VWA8: variants seen among roughly 807,000 people sequenced by gnomAD.
The protein encoded by VWA8 is von Willebrand factor A domain-containing protein 8.
In VWA8, 221 loss-of-function variants were observed where a neutral mutation model predicts 241.5. The ratio of observed to expected loss-of-function variants is 0.91; its 90% CI spans 0.82 to 1.02. VWA8 has a LOEUF of 1.02. Ranked by LOEUF, VWA8 falls within the 50% of genes least tolerant of loss-of-function variation. VWA8 has a pLI of 0.00. For synonymous variants in VWA8, 852 were observed against 827.1 expected, an observed-to-expected ratio of 1.03 and a Z score of -0.52; for missense variants, 2,322 against 2,328.7, an observed-to-expected ratio of 1.00 and a Z score of 0.06.
rs544075802 is a variant in VWA8 at position 41,633,514 on chromosome 13, T to G, written c.4612-18430A>C. Among the ~76,000 whole-genome samples the G allele has an allele frequency of 2.0e-5, 3 of 152,316 alleles. No homozygotes were observed. In the South Asian group the frequency reaches 6.2e-4, roughly 32 times the overall value. On this transcript the variant is annotated intron_variant, in intron 37 of 44. Coordinates refer to ENST00000379310, the MANE Select transcript of VWA8 (RefSeq NM_015058.2). ...TCTCCTGGAACTTATGGGGGCAAGT[T>G]AGAAAGAAAGCAGGAACTTTGGGGT...
intron 40 of VWA8, among the ~76,000 whole-genome samples, chr13:41,600,831 C>T (rs1042473383): frequency 2.0e-5 from 3 of 152,078 alleles, no homozygotes; most frequent in African/African-American, 7.2e-5. Flanking sequence ...GTCTTTTTGT[C>T]CTACCTCCAA....
At chr13:41,905,041 ATAAATACCAT>A (rs1875642339) in intron 4 of VWA8, 1 of 152,172 alleles carries the variant, frequency 6.6e-6, no homozygotes, top group African/African-American at 2.4e-5. Flanking sequence ...TAGGTTTGGA[ATAAATACCAT>A]TAAATTGAGA....
chr13:41,723,647 T>C (rs983410177), intron 24 of VWA8, among the ~76,000 whole-genome samples: 6 of 151,996 alleles, frequency 3.9e-5, no homozygotes, highest in African/African-American at 1.2e-4. Context: ...GAAAAGAGCA[T>C]AAGAGAAAGA....
At chr13:41,586,161 A>G (rs1483004429) in intron 42 of VWA8, among the ~76,000 whole-genome samples, 2 of 146,916 alleles carry the variant, frequency 1.4e-5, no homozygotes, top group Admixed American at 6.7e-5. Flanking sequence ...CCCATAAAGC[A>G]TAAAAAAAAA....
At chr13:41,869,459 C>T (rs1466873774) in intron 9 of VWA8, among the ~76,000 whole-genome samples, 2 of 151,644 alleles carry the variant, frequency 1.3e-5, no homozygotes, top group Non-Finnish European at 2.9e-5. Context: ...CATGGTGAAA[C>T]CCTGTCTACT....
At chr13:41,654,783 A>G (rs1417043731) in intron 37 of VWA8, among the ~76,000 whole-genome samples, 1 of 152,190 alleles carries the variant, frequency 6.6e-6, no homozygotes, top group Non-Finnish European at 1.5e-5. Flanking sequence ...AAAACATCAG[A>G]TGAACCCAGA....
At chr13:41,676,242 T>G (rs1371122583) in intron 35 of VWA8, among the ~76,000 whole-genome samples, 1 of 152,142 alleles carries the variant, frequency 6.6e-6, no homozygotes, top group African/African-American at 2.4e-5. Context: ...ATGGAATACC[T>G]AGAAACCTGG....
intron 17 of VWA8, among the ~76,000 whole-genome samples, chr13:41,799,330 C>T (rs2137958487): frequency 6.6e-6 from 1 of 152,222 alleles, no homozygotes; most frequent in East Asian, 1.9e-4. Flanking sequence ...TAAATGATCC[C>T]GGATAAGTTT....
chr13:41,802,608 G>C (rs181741596), intron 17 of VWA8, among the ~76,000 whole-genome samples: 1 of 152,208 alleles, frequency 6.6e-6, no homozygotes, highest in Admixed American at 6.5e-5. Context: ...AAGGAGAGGG[G>C]AGAGCAAAGA....
chr13:41,778,265 C>T (rs1308599945), intron 19 of VWA8, among the ~76,000 whole-genome samples: 3 of 151,960 alleles, frequency 2.0e-5, no homozygotes, highest in African/African-American at 4.8e-5. Flanking sequence ...AATAGTCCAC[C>T]TGAGCAAAAC....
intron 37 of VWA8, among the ~76,000 whole-genome samples, chr13:41,631,790 T>C (rs9594597): frequency 0.33 from 50,237 of 152,070 alleles, 9,217 homozygotes; most frequent in Non-Finnish European, 0.42. Context: ...GTTATCATTG[T>C]GTGTAGGTGA....
intron 10 of VWA8, among the ~76,000 whole-genome samples, chr13:41,866,335 C>A (rs576055107): frequency 6.8e-6 from 1 of 147,476 alleles, no homozygotes; most frequent in Non-Finnish European, 1.5e-5. Flanking sequence ...GGCAACAGAG[C>A]GAGACTCTGT....
chr13:41,668,824 T>C (rs2045003806), intron 37 of VWA8, among the ~76,000 whole-genome samples: 1 of 152,206 alleles, frequency 6.6e-6, no homozygotes, highest in Non-Finnish European at 1.5e-5. Context: ...ATTTTTAATA[T>C]CAACCAAAAT....
rs1043222292 is a variant in VWA8 at position 41,769,028 on chromosome 13, G to C, written c.2350-7824C>G. 1.2e-4 allele frequency among the ~76,000 whole-genome samples: 18 copies of C among 151,534 alleles called. 1 individual carries two copies. The highest frequency in any genetic ancestry group is 2.1e-4 in the Non-Finnish European group (14 of 67,966). The stretch of plus-strand genomic sequence containing the variant: ...GGTGATCCTCCAACCTCAGCCTCCT[G>C]AGTAGCTGGGACTACAGGTGCATGC... On this transcript the variant is annotated intron_variant, in intron 20 of 44. Transcript: ENST00000379310.
At chr13:41,679,478 C>T (rs1420726957) in intron 35 of VWA8, among the ~76,000 whole-genome samples, 1 of 152,030 alleles carries the variant, frequency 6.6e-6, no homozygotes, top group East Asian at 1.9e-4. Flanking sequence ...TGATTTTACC[C>T]AAAGTTCAAA....
intron 19 of VWA8, 60 bp downstream of exon 19, chr13:41,783,730 CTTGAA>C: frequency 9.2e-6 from 10 of 1,085,400 alleles, no homozygotes; most frequent in African/African-American, 1.6e-5. Flanking sequence ...GTCAATTTCA[CTTGAA>C]TTGGAGTGTA....
chr13:41,673,915 C>A (rs1319736182), intron 36 of VWA8, among the ~76,000 whole-genome samples: 1 of 152,042 alleles, frequency 6.6e-6, no homozygotes, highest in Non-Finnish European at 1.5e-5. Context: ...AAATAAAAAA[C>A]TAGTGAGAGA....
chr13:41,721,539 T>C lies in VWA8; in HGVS notation c.2795A>G (p.Lys932Arg), dbSNP rs765244993. The change falls in exon 25 of 45, where the codon AAA becomes AGA. Residue 932 changes from lysine to arginine, a missense_variant. Physicochemically the swap from Lys to Arg is conservative, Grantham distance 26 (BLOSUM62 2). Transcript: ENST00000379310. ...GAGCATCTCGAGCTCCGAGTGGGGTTTGGGGTTATCAACTGCATGGCAGCT... is the reference window on the plus strand; with the variant it reads ...GAGCATCTCGAGCTCCGAGTGGGGTCTGGGGTTATCAACTGCATGGCAGCT... ...IFSCHAVDNPKPHSELEMLRQ... is the reference protein window; with the variant it reads ...IFSCHAVDNPRPHSELEMLRQ... 14 of 1,613,582 alleles carry C rather than the reference T, an allele frequency of 8.7e-6. No individual in the cohort carries two copies. The Middle Eastern group carries it at 1.2e-3, about 133-fold the overall frequency.
intron 37 of VWA8, among the ~76,000 whole-genome samples, chr13:41,669,628 T>G (rs1424992924): frequency 2.0e-5 from 3 of 152,208 alleles, no homozygotes; most frequent in Non-Finnish European, 4.4e-5. Context: ...GAAAAATAAA[T>G]TTAATCTTGA....
Sources: gnomAD v4.1 joint callset for allele counts (sites outside exome capture counted in the v4.1 genomes callset) on GRCh38, gnomAD v4.1.1 for gene constraint, MANE v1.5 for transcripts, NCBI Gene and HGNC (gene_info 2026-07-23, HGNC 2026-07-21) for gene names.